The following IL23R variants were observed in gnomAD, a reference collection of about 807,000 sequenced individuals.
IL23R encodes the protein interleukin 23 receptor.
In IL23R, 34 loss-of-function variants were observed where a neutral mutation model predicts 56.9. The observed-to-expected ratio is 0.60, with a 90% CI of 0.45 to 0.80. The LOEUF is 0.80. Among genes scored for constraint, IL23R ranks in the 30% least tolerant of loss-of-function variants. IL23R has a pLI of 0.00. For synonymous variants in IL23R, 230 were observed against 249.2 expected (o/e 0.92, Z 0.73); for missense variants, 635 against 730.0 (o/e 0.87, Z 1.50).
intron 9 of IL23R, among the ~76,000 whole-genome samples, chr1:67,243,701 A>G (rs11488194): frequency 0.12 from 17,811 of 152,074 alleles, 1,595 homozygotes; most frequent in African/African-American, 0.25. Context: ...TCTTTATCCA[A>G]TCTATCTTTG....
At chr1:67,213,402 G>A (rs1649629721) in intron 6 of IL23R, among the ~76,000 whole-genome samples, 1 of 152,170 alleles carries the variant, frequency 6.6e-6, no homozygotes, top group Admixed American at 6.5e-5. Context: ...GAATCCAACT[G>A]AAAGTCACAG....
intron 7 of IL23R, among the ~76,000 whole-genome samples, chr1:67,236,132 G>C (rs1651454912): frequency 6.6e-6 from 1 of 152,218 alleles, no homozygotes; most frequent in Admixed American, 6.5e-5. Context: ...TTTCCTGACA[G>C]CCTTTATAAC....
At chr1:67,167,123 G>T (rs1031511353) in intron 1 of IL23R, among the ~76,000 whole-genome samples, 1 of 152,134 alleles carries the variant, frequency 6.6e-6, no homozygotes, top group African/African-American at 2.4e-5. Flanking sequence ...GGGTGCGGGG[G>T]ACAAGGTCTC....
At chr1:67,174,716 A>C (rs1181830759) in intron 3 of IL23R, among the ~76,000 whole-genome samples, 1 of 152,082 alleles carries the variant, frequency 6.6e-6, no homozygotes, top group African/African-American at 2.4e-5. Flanking sequence ...TATAACTGAA[A>C]ATTCTAGGTG....
At chr1:67,183,646 G>A (rs1647196296) in intron 4 of IL23R, among the ~76,000 whole-genome samples, 1 of 152,034 alleles carries the variant, frequency 6.6e-6, no homozygotes, top group African/African-American at 2.4e-5. Context: ...CTTTAAATGG[G>A]CCTAAAAATA....
chr1:67,265,212 AC>A, the IL23R span, among the ~76,000 whole-genome samples: 1 of 152,248 alleles, frequency 6.6e-6, no homozygotes, highest in Non-Finnish European at 1.5e-5. Context: ...AAAGAATGCA[AC>A]AGTAAAATAA....
intron 5 of IL23R, among the ~76,000 whole-genome samples, chr1:67,204,547 C>A (rs1401028617): frequency 6.6e-6 from 1 of 152,146 alleles, no homozygotes; most frequent in African/African-American, 2.4e-5. Flanking sequence ...CTGCATTTCT[C>A]ATAAGACTAA....
At chr1:67,215,015 CCT>C (rs1339012370) in intron 6 of IL23R, among the ~76,000 whole-genome samples, 1 of 152,194 alleles carries the variant, frequency 6.6e-6, no homozygotes, top group Non-Finnish European at 1.5e-5. Context: ...GTGCATGCAG[CCT>C]CTGTCACGTA....
At chr1:67,252,209 T>C (rs976038380) in intron 9 of IL23R, among the ~76,000 whole-genome samples, 2 of 152,184 alleles carry the variant, frequency 1.3e-5, no homozygotes, top group Non-Finnish European at 2.9e-5. Context: ...GCTTTCAGGT[T>C]CCCTTGATGA....
chr1:67,199,037 A>G (rs1648399170), intron 4 of IL23R, among the ~76,000 whole-genome samples: 1 of 152,068 alleles, frequency 6.6e-6, no homozygotes, highest in Middle Eastern at 3.2e-3. Context: ...TTTTTCCACT[A>G]CCACCACTTT....
chr1:67,183,351 A>C (rs1339198065), intron 4 of IL23R, among the ~76,000 whole-genome samples: 1 of 152,162 alleles, frequency 6.6e-6, no homozygotes, highest in Non-Finnish European at 1.5e-5. Context: ...CCTGGCCAAC[A>C]TGGTGAAACC....
At chr1:67,140,381 C>T (rs1215956022) in intron 1 of IL23R, among the ~76,000 whole-genome samples, 2 of 152,064 alleles carry the variant, frequency 1.3e-5, no homozygotes, top group African/African-American at 4.8e-5. Context: ...TAAGGACAAA[C>T]ACCATAATGA....
intron 7 of IL23R, among the ~76,000 whole-genome samples, chr1:67,230,385 G>C (rs1311878514): frequency 6.6e-6 from 1 of 152,238 alleles, no homozygotes; most frequent in East Asian, 1.9e-4. Flanking sequence ...TGGAGAGCAA[G>C]GGTGTACTTC....
chr1:67,173,930 C>T (rs1646977107), intron 3 of IL23R, among the ~76,000 whole-genome samples: 1 of 152,118 alleles, frequency 6.6e-6, no homozygotes, highest in Admixed American at 6.6e-5. Context: ...GCTTTTTTCA[C>T]TTTGCCATAT....
intron 7 of IL23R, among the ~76,000 whole-genome samples, chr1:67,222,306 G>A (rs1440902597): frequency 2.0e-5 from 3 of 151,394 alleles, no homozygotes; most frequent in Non-Finnish European, 3.0e-5. Context: ...TAATAGAGGC[G>A]GGGTTTCACC....
Position 67,207,065 on chromosome 1 carries a change from A to G in IL23R, c.798+10A>G, listed in dbSNP as rs759478288. 9.9e-6 allele frequency: 16 copies of G among 1,613,274 alleles called. No individual in the cohort carries two copies. Among genetic ancestry groups the G allele is most frequent in the Non-Finnish European group, 1.4e-5 (16 of 1,179,412 alleles). On this transcript the variant is annotated intron_variant, in intron 6 of 10. Coordinates refer to ENST00000347310, the MANE Select transcript of IL23R (RefSeq NM_144701.3). ...AAACCAAACTTGGAATGTAAGCTCA[A>G]CTTTCATTATGCTTTAGCATGTGAA... is the stretch of plus-strand genomic sequence containing the variant.
At chr1:67,249,715 T>C (rs1652491852) in intron 9 of IL23R, among the ~76,000 whole-genome samples, 1 of 152,142 alleles carries the variant, frequency 6.6e-6, no homozygotes, top group South Asian at 2.1e-4. Flanking sequence ...CTCTGTAGCA[T>C]CCAAAATTTG....
chr1:67,257,762 G>A (rs1057180663), intron 10 of IL23R, among the ~76,000 whole-genome samples: 47 of 152,252 alleles, frequency 3.1e-4, no homozygotes, highest in African/African-American at 7.2e-4. Flanking sequence ...AGAGTGCAGT[G>A]GCATGATCTC....
At position 67,169,351 on chromosome 1, in the gene IL23R, A is replaced by G. The variant is rs1465641771; in HGVS notation, c.80A>G (p.Asn27Ser). 1 of 1,607,872 alleles carries G rather than the reference A, an allele frequency of 6.2e-7. No individual in the cohort carries two copies. Among genetic ancestry groups the G allele is most frequent in the Non-Finnish European group, 8.5e-7 (1 of 1,176,240 alleles). Reference sequence around the variant, plus strand: ...TTCCATTTATTTCTAGGAATTACAAATATAAACTGCTCTGGCCACATCTGG... The same window carrying G: ...TTCCATTTATTTCTAGGAATTACAAGTATAAACTGCTCTGGCCACATCTGG... ...LFSWCHGGIT[N>S]INCSGHIWVE... The change falls in exon 3 of 11, where the codon AAT becomes AGT. Residue 27 changes from asparagine to serine, a missense_variant. Asn to Ser is a conservative substitution (Grantham distance 46). Coordinates refer to ENST00000347310, the MANE Select transcript of IL23R (RefSeq NM_144701.3).
Sources: allele counts gnomAD v4.1 joint callset (sites outside exome capture counted in the v4.1 genomes callset), GRCh38; gene constraint gnomAD v4.1.1; transcripts MANE v1.5; gene names NCBI Gene and HGNC (gene_info 2026-07-23, HGNC 2026-07-21).